SGCA: variants seen among roughly 807,000 people sequenced by gnomAD.
The protein encoded by SGCA is sarcoglycan alpha.
In SGCA, 34 loss-of-function variants were observed where a neutral mutation model predicts 38.1. That is an observed-to-expected ratio of 0.89 (90% CI 0.68 to 1.19). The LOEUF (loss-of-function observed/expected upper bound fraction) is 1.19, where lower values mean the gene tolerates loss of function less well. Among genes scored for constraint, SGCA ranks in the 50% most tolerant of loss-of-function variants. The pLI, the probability that SGCA is intolerant of heterozygous loss-of-function variation, is 0.00. For synonymous variants in SGCA, 209 were observed against 214.6 expected (o/e 0.97, Z 0.23); for missense variants, 476 against 524.9 (o/e 0.91, Z 0.91).
chr17:50,168,121 T>G (rs966413796), intron 4 of SGCA, 102 bp downstream of exon 4: 2 of 1,128,210 alleles, frequency 1.8e-6, no homozygotes, highest in Non-Finnish European at 2.7e-6. Context: ...TGGAGAGGAG[T>G]GGAGCAGGGC....
In SGCA at chr17:50,170,167, G is replaced by A. The variant is rs934936899; in HGVS notation, c.772G>A (p.Ala258Thr). ...TLVDKSVPEPADEVPTPGDGI... is the reference protein window; with the variant it reads ...TLVDKSVPEPTDEVPTPGDGI... ...GGTGGATAAGTCAGTGCCGGAGCCT[G>A]CAGATGAGGTGCCCACCCCAGGTGA... Residue 258 changes from alanine (A) to threonine (T), a missense_variant, in exon 7 of 10, where the codon GCA becomes ACA. Coordinates refer to ENST00000262018, the MANE Select transcript of SGCA (RefSeq NM_000023.4). 6.2e-7 allele frequency: 1 copy of A among 1,614,174 alleles called. No homozygotes were observed. The highest frequency in any genetic ancestry group is 1.1e-5 in the South Asian group (1 of 91,076).
chr17:50,171,302 C>T (rs2144503327), intron 8 of SGCA: 2 of 355,448 alleles, frequency 5.6e-6, no homozygotes, highest in East Asian at 7.4e-5. Context: ...ATTCTGCCAG[C>T]CCTTTCCAAA....
chr17:50,168,405 G>T lies in SGCA; in HGVS notation c.417G>T (p.Leu139=), dbSNP rs375282807. 4 of 1,589,204 alleles carry T rather than the reference G, an allele frequency of 2.5e-6. No homozygotes were observed. Among genetic ancestry groups the T allele is most frequent in the African/African-American group, 1.3e-5 (1 of 74,734 alleles). Reference sequence around the variant, plus strand: ...TGCTGCCATACCAAGCCGAGTTCCTGGTGCGCAGCCACGATGCGGAGGAGG... The same window carrying T: ...TGCTGCCATACCAAGCCGAGTTCCTTGTGCGCAGCCACGATGCGGAGGAGG... ...GPLLPYQAEF[L]VRSHDAEEVL... is the part of the protein sequence containing the mutation. The change falls in exon 5 of 10, where the codon CTG becomes CTT. Residue 139 remains leucine (L), a synonymous_variant. Coordinates refer to ENST00000262018, the MANE Select transcript of SGCA (RefSeq NM_000023.4).
chr17:50,167,826 A>G lies in SGCA; in HGVS notation c.312+90A>G. 1 of 1,538,992 alleles carries G rather than the reference A, an allele frequency of 6.5e-7. No individual in the cohort carries two copies. Among genetic ancestry groups the G allele is most frequent in the East Asian group, 2.3e-5 (1 of 44,422 alleles). ...ATGAATTGGGATTGGGTGCTCATTC[A>G]CAGTCATTTACATATAATTTACATA... On this transcript the variant is annotated intron_variant, in intron 3 of 9. Coordinates refer to ENST00000262018, the MANE Select transcript of SGCA (RefSeq NM_000023.4). This position sits in a 1 kb window ranked among gnomAD's most constrained non-coding sequence, Gnocchi z 4.5.
intron 1 of SGCA, among the ~76,000 whole-genome samples, chr17:50,166,315 G>A (rs566948776): frequency 3.9e-5 from 6 of 152,186 alleles, no homozygotes; most frequent in South Asian, 4.1e-4. Flanking sequence ...CCTAGGGCCC[G>A]GGTGGGTCTG....
intron 8 of SGCA, chr17:50,171,622 C>T (rs758422383): frequency 5.9e-5 from 27 of 456,698 alleles, no homozygotes; most frequent in African/African-American, 3.0e-4. Context: ...CTGCCCAGAG[C>T]GCCACCTCTG....
chr17:50,175,102 GA>G (rs1905817160), intron 8 of SGCA, 154 bp from the exon 9 acceptor site: 4 of 773,016 alleles, frequency 5.2e-6, no homozygotes, highest in Non-Finnish European at 8.8e-6. Context: ...CGGCCCCATA[GA>G]GCTTTCTGTT....
In SGCA at chr17:50,167,278, G is replaced by A. The variant is rs1904970590; in HGVS notation, c.38-90G>A. ...GGAAGCGCTTCTCTCGGTCCCTTAG[G>A]GGCTCCAAGGACTTGGTGGGGAAGG... On this transcript the variant is annotated intron_variant, in intron 1 of 9. Coordinates refer to ENST00000262018, the MANE Select transcript of SGCA (RefSeq NM_000023.4). The surrounding 1 kb of genome is among the most constrained non-coding windows in gnomAD (Gnocchi z 4.5). 2 of 1,582,918 alleles carry A rather than the reference G, an allele frequency of 1.3e-6. No individual in the cohort carries two copies. Among genetic ancestry groups the A allele is most frequent in the African/African-American group, 2.7e-5 (2 of 74,370 alleles).
At chr17:50,171,833 T>A (rs1380127295) in intron 8 of SGCA, 9 of 456,650 alleles carry the variant, frequency 2.0e-5, no homozygotes, top group Non-Finnish European at 3.5e-5. Context: ...CAGGGACACA[T>A]ACTTGCAGGT....
At position 50,167,783 on chromosome 17, in the gene SGCA, C is replaced by T; in HGVS notation, c.312+47C>T. On this transcript the variant is annotated intron_variant, in intron 3 of 9. Coordinates refer to ENST00000262018, the MANE Select transcript of SGCA (RefSeq NM_000023.4). This position sits in a 1 kb window ranked among gnomAD's most constrained non-coding sequence, Gnocchi z 4.5. ...AAATCACAGGGGTGGGCCAGAGTGG[C>T]CTCCTAGGAGCAGCCCTATGAATTG... 6.3e-7 allele frequency: 1 copy of T among 1,595,058 alleles called. No homozygotes were observed. Among genetic ancestry groups the T allele is most frequent in the Non-Finnish European group, 8.6e-7 (1 of 1,166,318 alleles).
At chr17:50,166,278 G>T in intron 1 of SGCA, 2 of 615,916 alleles carry the variant, frequency 3.2e-6, no homozygotes, top group South Asian at 3.9e-5. Flanking sequence ...GGATGAAGGG[G>T]CTGGGAGCTC....
rs779439298 is a variant in SGCA at position 50,167,645 on chromosome 17, G to A, written c.221G>A (p.Arg74Gln). Residue 74 changes from arginine to glutamine, a missense_variant, in exon 3 of 10, where the codon CGG (arginine) becomes CAG (glutamine). Arg to Gln is a conservative substitution (Grantham distance 43). Coordinates refer to ENST00000262018, the MANE Select transcript of SGCA (RefSeq NM_000023.4). This position sits in a 1 kb window ranked among gnomAD's most constrained non-coding sequence, Gnocchi z 4.5. ...CTCCAGGGACACCCAGACCTGCCCC[G>A]GTGGCTCCGCTACACCCAGCGCAGC... The part of the protein sequence containing the change: ...AHLQGHPDLP[R>Q]WLRYTQRSPH... 3.1e-5 allele frequency: 50 copies of A among 1,613,640 alleles called. 1 individual carries two copies. The highest frequency in any genetic ancestry group is 1.6e-4 in the Middle Eastern group (1 of 6,084).
At chr17:50,172,140 G>A (rs546792468) in intron 8 of SGCA, 4 of 456,774 alleles carry the variant, frequency 8.8e-6, no homozygotes, top group East Asian at 7.0e-5. Flanking sequence ...CCTGGTCCTC[G>A]CTGAGGCTTC....
chr17:50,175,901 C>A lies in SGCA; in HGVS notation c.*202C>A. The A allele has an allele frequency of 2.2e-6, 1 of 453,756 alleles. No homozygotes were observed. Among genetic ancestry groups the A allele is most frequent in the Non-Finnish European group, 4.4e-6 (1 of 225,048 alleles). 28.1% of individuals were successfully genotyped at this position (453,756 alleles called of 1,614,324 possible). A position where few individuals can be genotyped will look rare whatever the true frequency, so the allele number is the denominator to read the frequency against. On this transcript the variant is annotated 3_prime_UTR_variant, in exon 10 of 10. Transcript: ENST00000262018. ...GAATAAATATCTGCTGCTCTGCTCA[C>A]CAATTGCTGCTGGCAGCCTCTCCCG...
chr17:50,174,706 A>C (rs1905778619), intron 8 of SGCA, among the ~76,000 whole-genome samples: 1 of 151,920 alleles, frequency 6.6e-6, no homozygotes, highest in Admixed American at 6.6e-5. Context: ...TGGAGTGGTT[A>C]AGCAACTTGC....
chr17:50,168,090 G>A (rs959263807), intron 4 of SGCA, 71 bp downstream of exon 4: 1 of 1,438,724 alleles, frequency 7.0e-7, no homozygotes, highest in Non-Finnish European at 9.8e-7. Context: ...GAGGGGGAGG[G>A]GGCTGTGGAC....
At chr17:50,170,592 G>A in intron 7 of SGCA, 48 bp from the exon 8 acceptor site, 3 of 1,551,064 alleles carry the variant, frequency 1.9e-6, no homozygotes, top group Non-Finnish European at 2.6e-6. Context: ...GGGGCACCTT[G>A]GGGCGAAACC....
chr17:50,170,183 C>T lies in SGCA; in HGVS notation c.788C>T (p.Thr263Ile). The T allele has an allele frequency of 6.2e-7, 1 of 1,614,164 alleles. No homozygotes were observed. The highest frequency in any genetic ancestry group is 8.5e-7 in the Non-Finnish European group (1 of 1,180,014). Residue 263 changes from threonine (T) to isoleucine (I), a missense_variant, in exon 7 of 10, where the codon ACC becomes ATC. Physicochemically the swap from Thr to Ile is moderately conservative, Grantham distance 89. Coordinates refer to ENST00000262018, the MANE Select transcript of SGCA (RefSeq NM_000023.4). ...SVPEPADEVP[T>I]PGDGILEHDP... ...CCGGAGCCTGCAGATGAGGTGCCCA[C>T]CCCAGGTGATGGGATCCTGGAGCAT...
chr17:50,175,414 C>G lies in SGCA; in HGVS notation c.1141C>G (p.Pro381Ala). 1 of 1,613,154 alleles carries G rather than the reference C, an allele frequency of 6.2e-7. No individual in the cohort carries two copies. Among genetic ancestry groups the G allele is most frequent in the Non-Finnish European group, 8.5e-7 (1 of 1,180,008 alleles). The change falls in exon 9 of 10, where the codon CCC becomes GCC. Residue 381 changes from proline (P) to alanine (A), a missense_variant. Physicochemically the swap from Pro to Ala is conservative, Grantham distance 27. Transcript: ENST00000262018. ...LPPRVDSAQV[P>A]LILDQH ...TCCCCGCGTGGACAGCGCCCAGGTGCCCCTCATTCTGGACCAGCACTGACA... is the reference window on the plus strand; with the variant it reads ...TCCCCGCGTGGACAGCGCCCAGGTGGCCCTCATTCTGGACCAGCACTGACA...
Sources: allele counts gnomAD v4.1 joint callset (sites outside exome capture counted in the v4.1 genomes callset), GRCh38; gene constraint gnomAD v4.1.1; non-coding constraint Gnocchi (gnomAD v3.1); transcripts MANE v1.5; gene names NCBI Gene and HGNC (gene_info 2026-07-23, HGNC 2026-07-21).